Variants in CYP4B1 observed in about 807,000 individuals in gnomAD.
CYP4B1 encodes cytochrome P450 family 4 subfamily B member 1.
Under a neutral mutation model 54.0 loss-of-function variants are expected in CYP4B1, and 45 were observed. The observed-to-expected ratio is 0.83, with a 90% CI of 0.66 to 1.07. The LOEUF (loss-of-function observed/expected upper bound fraction) is 1.07, where lower values mean the gene tolerates loss of function less well. Among genes scored for constraint, CYP4B1 ranks in the 50% least tolerant of loss-of-function variants. The probability of loss-of-function intolerance (pLI) is 0.00; values close to 1 mark genes in which losing one functional copy is unlikely to be tolerated. For missense variants in CYP4B1, 656 were observed against 655.4 expected (o/e 1.00, Z -0.01); for synonymous variants, 248 against 247.5 (o/e 1.00, Z -0.02).
Position 46,815,171 on chromosome 1 carries a change from G to T in CYP4B1, c.980G>T (p.Trp327Leu), listed in dbSNP as rs755652341. The change falls in exon 8 of 12, where the codon TGG (tryptophan) becomes TTG (leucine). Residue 327 changes from tryptophan to leucine, a missense_variant. Transcript: ENST00000371923. ...GACACCACCACCAGTGGTATCTCCT[G>T]GTTTCTCTACTGCATGGCCCTGTAC... is the stretch of plus-strand genomic sequence containing the variant. Reference protein sequence around the residue: ...GHDTTTSGISWFLYCMALYPE... With the variant: ...GHDTTTSGISLFLYCMALYPE... The T allele has an allele frequency of 2.5e-6, 4 of 1,614,028 alleles. No individual in the cohort carries two copies. The highest frequency in any genetic ancestry group is 8.5e-7 in the Non-Finnish European group (1 of 1,179,936).
At chr1:46,809,201 CA>C (rs978674838) in intron 1 of CYP4B1, among the ~76,000 whole-genome samples, 2 of 106,746 alleles carry the variant, frequency 1.9e-5, no homozygotes, top group African/African-American at 3.1e-5. Flanking sequence ...CAAAACAAAA[CA>C]AAAAAAAGCT....
At chr1:46,810,779 GTGA>G in intron 1 of CYP4B1, 26 bp from the exon 2 acceptor site, 2 of 1,613,836 alleles carry the variant, frequency 1.2e-6, no homozygotes, top group South Asian at 2.2e-5. Flanking sequence ...GTGTTCCTGA[GTGA>G]CCTTGGCCTT....
intron 1 of CYP4B1, among the ~76,000 whole-genome samples, chr1:46,799,717 C>T (rs1193007507): frequency 2.6e-5 from 4 of 152,218 alleles, no homozygotes; most frequent in Non-Finnish European, 5.9e-5. Flanking sequence ...AGTACCGCCA[C>T]ATGACAGACC....
intron 8 of CYP4B1, among the ~76,000 whole-genome samples, chr1:46,815,955 G>C (rs1413196239): frequency 6.6e-6 from 1 of 152,140 alleles, no homozygotes; most frequent in African/African-American, 2.4e-5. Context: ...CTCCAAGAGG[G>C]GGCTAGGCAC....
chr1:46,807,849 C>T (rs886976360), intron 1 of CYP4B1, among the ~76,000 whole-genome samples: 14 of 152,312 alleles, frequency 9.2e-5, no homozygotes, highest in African/African-American at 3.1e-4. Context: ...GTGGCTTGGG[C>T]CAGAAAGGAT....
intron 1 of CYP4B1, among the ~76,000 whole-genome samples, chr1:46,800,285 CCTT>C (rs1678595490): frequency 2.3e-5 from 3 of 128,234 alleles, no homozygotes; most frequent in African/African-American, 8.7e-5. Context: ...TTCCTTCCTT[CCTT>C]CCTTCCTTCC....
Position 46,812,611 on chromosome 1 carries a change from A to G in CYP4B1, c.483A>G (p.Thr161=), listed in dbSNP as rs757808784. The G allele has an allele frequency of 1.9e-6, 3 of 1,613,906 alleles. No individual in the cohort carries two copies. Among genetic ancestry groups the G allele is most frequent in the Non-Finnish European group, 2.5e-6 (3 of 1,179,886 alleles). Residue 161 remains threonine, a synonymous_variant, in exon 4 of 12, where the codon ACA becomes ACG. Transcript: ENST00000371923. ...KPYVAVFTES[T]RIMLDKWEEK... is the part of the protein sequence containing the mutation. Reference sequence around the variant, plus strand: ...ATGTGGCCGTGTTCACTGAGTCTACACGTATCATGCTGGTGAGCTCCCTGT... The same window carrying G: ...ATGTGGCCGTGTTCACTGAGTCTACGCGTATCATGCTGGTGAGCTCCCTGT...
At position 46,818,177 on chromosome 1, in the gene CYP4B1, A is replaced by G; in HGVS notation, c.1319A>G (p.His440Arg). Residue 440 changes from histidine to arginine, a missense_variant, in exon 11 of 12, where the codon CAT (histidine) becomes CGT (arginine). His to Arg is a conservative substitution (Grantham distance 29). Transcript: ENST00000371923. The part of the protein sequence containing the change: ...RFSTENASKR[H>R]PFAFMPFSAG... The stretch of plus-strand genomic sequence containing the variant: ...TCCACTGAGAATGCATCCAAACGCC[A>G]TCCCTTTGCCTTTATGCCCTTCTCT... 1 of 1,614,154 alleles carries G rather than the reference A, an allele frequency of 6.2e-7. No homozygotes were observed. The highest frequency in any genetic ancestry group is 8.5e-7 in the Non-Finnish European group (1 of 1,180,016).
At chr1:46,818,529 C>A in intron 11 of CYP4B1, 102 bp from the exon 12 acceptor site, 1 of 1,214,146 alleles carries the variant, frequency 8.2e-7, no homozygotes, top group Non-Finnish European at 1.2e-6. Flanking sequence ...GCCAGTTATT[C>A]ATCCAAAAAC....
At chr1:46,799,617 C>T (rs1407859608) in intron 1 of CYP4B1, among the ~76,000 whole-genome samples, 4 of 152,252 alleles carry the variant, frequency 2.6e-5, no homozygotes, top group African/African-American at 7.2e-5. Flanking sequence ...AGTAGGCAAT[C>T]CATTGAAAGC....
intron 11 of CYP4B1, 107 bp downstream of exon 11, chr1:46,818,320 G>C (rs777411655): frequency 9.1e-6 from 10 of 1,094,166 alleles, no homozygotes; most frequent in Non-Finnish European, 1.2e-5. Context: ...GGGGAATCAT[G>C]CTGGGTTTGT....
chr1:46,813,480 A>T lies in CYP4B1; in HGVS notation c.496-2A>T, dbSNP rs764907267. The T allele has an allele frequency of 6.2e-7, 1 of 1,614,144 alleles. No individual in the cohort carries two copies. The highest frequency in any genetic ancestry group is 1.1e-5 in the South Asian group (1 of 91,084). On this transcript the variant is annotated splice_acceptor_variant, in intron 4 of 11. Transcript: ENST00000371923. LOFTEE classifies it high-confidence loss of function. Reference sequence around the variant, plus strand: ...ACATTGCCTCCTATCCCTGGACTCCAGGACAAGTGGGAAGAGAAAGCTCGG... The same window carrying T: ...ACATTGCCTCCTATCCCTGGACTCCTGGACAAGTGGGAAGAGAAAGCTCGG...
rs1679452719 is a variant in CYP4B1, at chr1:46,818,981, A to T, written c.*167A>T. ...GACTCCTAGAGGACAGTGCTATGTA[A>T]AAATGTGTGTCTATAAATGTTTATC... On this transcript the variant is annotated 3_prime_UTR_variant, in exon 12 of 12. Coordinates refer to ENST00000371923, the MANE Select transcript of CYP4B1 (RefSeq NM_001099772.2). 1.0e-5 allele frequency: 6 copies of T among 579,978 alleles called. No homozygotes were observed. The highest frequency in any genetic ancestry group is 1.5e-5 in the Non-Finnish European group (5 of 329,108). The allele number at this position is 579,978 out of a possible 1,614,324, so 35.9% of individuals were successfully genotyped here.
chr1:46,816,957 G>T, intron 8 of CYP4B1, 91 bp from the exon 9 acceptor site: 12 of 1,458,066 alleles, frequency 8.2e-6, no homozygotes, highest in Non-Finnish European at 1.9e-6. Context: ...GTGTGGTGGT[G>T]GTGAGGGAGG....
At chr1:46,812,834 T>G (rs1452455955) in intron 4 of CYP4B1, among the ~76,000 whole-genome samples, 1 of 152,122 alleles carries the variant, frequency 6.6e-6, no homozygotes, top group African/African-American at 2.4e-5. Flanking sequence ...AATCTCTAAG[T>G]GTCCTGGCAG....
intron 1 of CYP4B1, among the ~76,000 whole-genome samples, chr1:46,810,476 T>C (rs1379377447): frequency 6.6e-6 from 1 of 152,218 alleles, no homozygotes; most frequent in African/African-American, 2.4e-5. Flanking sequence ...CCTATCTTTA[T>C]AATTAAAGAG....
chr1:46,802,612 G>A (rs1167103369), intron 1 of CYP4B1, among the ~76,000 whole-genome samples: 2 of 152,194 alleles, frequency 1.3e-5, no homozygotes, highest in Non-Finnish European at 2.9e-5. Flanking sequence ...AATCAACCCA[G>A]TCTTTGTGAA....
chr1:46,804,740 G>T (rs1443781425), intron 1 of CYP4B1, among the ~76,000 whole-genome samples: 1 of 152,146 alleles, frequency 6.6e-6, no homozygotes, highest in Non-Finnish European at 1.5e-5. Context: ...AGGGTGATCT[G>T]CCAGGAGTGA....
intron 4 of CYP4B1, among the ~76,000 whole-genome samples, chr1:46,813,067 G>A (rs567955365): frequency 6.6e-6 from 1 of 152,340 alleles, no homozygotes; most frequent in South Asian, 2.1e-4. Context: ...GGATGTCAGA[G>A]GTCAGGGTTA....
Sources: gnomAD v4.1 joint callset for allele counts (sites outside exome capture counted in the v4.1 genomes callset) on GRCh38, gnomAD v4.1.1 for gene constraint, MANE v1.5 for transcripts, NCBI Gene and HGNC (gene_info 2026-07-23, HGNC 2026-07-21) for gene names.